SH3PXD2B: variants seen among roughly 807,000 people sequenced by gnomAD.
The protein encoded by SH3PXD2B is SH3 and PX domain-containing protein 2B.
A neutral mutation model predicts 73.1 loss-of-function variants in SH3PXD2B; 37 were observed. That is an observed-to-expected ratio of 0.51 (90% CI 0.39 to 0.67). The LOEUF is 0.67. Among genes scored for constraint, SH3PXD2B ranks in the 30% least tolerant of loss-of-function variants. The pLI, the probability that SH3PXD2B is intolerant of heterozygous loss-of-function variation, is 0.00. For synonymous variants in SH3PXD2B, 457 were observed against 480.5 expected, an observed-to-expected ratio of 0.95 and a Z score of 0.64; for missense variants, 1,053 against 1,197.8, an observed-to-expected ratio of 0.88 and a Z score of 1.78.
At chr5:172,365,445 AAAGAT>A (rs1205420129) in intron 6 of SH3PXD2B, among the ~76,000 whole-genome samples, 1 of 152,208 alleles carries the variant, frequency 6.6e-6, no homozygotes, top group African/African-American at 2.4e-5. Context: ...GACAGTGAGA[AAAGAT>A]AAGATGACGG....
chr5:172,391,885 T>G (rs1028890129), intron 4 of SH3PXD2B, among the ~76,000 whole-genome samples: 6 of 152,266 alleles, frequency 3.9e-5, no homozygotes, highest in African/African-American at 9.6e-5. Flanking sequence ...CTAAAAACTC[T>G]GCCCAACTCA....
At chr5:172,386,706 T>C (rs1263994022) in intron 4 of SH3PXD2B, among the ~76,000 whole-genome samples, 2 of 152,178 alleles carry the variant, frequency 1.3e-5, no homozygotes, top group Non-Finnish European at 2.9e-5. Flanking sequence ...CTCAGCTCAC[T>C]GCAGTCTCCA....
intron 8 of SH3PXD2B, among the ~76,000 whole-genome samples, chr5:172,357,298 C>A (rs1443509861): frequency 6.6e-6 from 1 of 151,430 alleles, no homozygotes; most frequent in African/African-American, 2.4e-5. Flanking sequence ...GTGGTGCATG[C>A]CTGTAATCTC....
At chr5:172,366,036 G>T (rs1387224615) in intron 6 of SH3PXD2B, among the ~76,000 whole-genome samples, 4 of 152,294 alleles carry the variant, frequency 2.6e-5, no homozygotes, top group East Asian at 1.9e-4. Flanking sequence ...AAGAGAAAAA[G>T]CACCCACTTC....
Position 172,400,274 on chromosome 5 carries a change from C to A in SH3PXD2B, c.233-5635G>T, listed in dbSNP as rs192440112. 2.3e-3 allele frequency among the ~76,000 whole-genome samples: 356 copies of A among 152,266 alleles called. 1 individual carries two copies. The highest frequency in any genetic ancestry group is 8.2e-3 in the African/African-American group (341 of 41,526). The stretch of plus-strand genomic sequence containing the variant: ...CTTTAATCTCAGAAGACTGTGTTAA[C>A]TCACATGCAGTAATATTAAAAAATG... On this transcript the variant is annotated intron_variant, in intron 3 of 12. Coordinates refer to ENST00000311601, the MANE Select transcript of SH3PXD2B (RefSeq NM_001017995.3).
In SH3PXD2B at chr5:172,380,341, G is replaced by A. The variant is rs144954470; in HGVS notation, c.401+1695C>T. Among the ~76,000 whole-genome samples, 307 of 152,258 alleles carry A rather than the reference G, an allele frequency of 2.0e-3. 2 individuals are homozygous for A. The highest frequency in any genetic ancestry group is 7.0e-3 in the African/African-American group (290 of 41,566). On this transcript the variant is annotated intron_variant, in intron 5 of 12. Transcript: ENST00000311601. Reference sequence around the variant, plus strand: ...CTCCTAAAGTGCTGGGATTACAGGCGTGAGGGAATGACAGTTTTTATTGGG... The same window carrying A: ...CTCCTAAAGTGCTGGGATTACAGGCATGAGGGAATGACAGTTTTTATTGGG...
At chr5:172,450,556 A>T (rs931355767) in intron 1 of SH3PXD2B, among the ~76,000 whole-genome samples, 1 of 152,086 alleles carries the variant, frequency 6.6e-6, no homozygotes, top group Admixed American at 6.5e-5. Context: ...GTTACCGAGG[A>T]CACTTTGACC....
intron 4 of SH3PXD2B, among the ~76,000 whole-genome samples, chr5:172,384,819 G>A (rs1010403886): frequency 1.3e-5 from 2 of 152,060 alleles, no homozygotes; most frequent in African/African-American, 2.4e-5. Context: ...TTAAGTCCCC[G>A]AGCTGCAATC....
intron 8 of SH3PXD2B, among the ~76,000 whole-genome samples, chr5:172,354,392 G>A (rs1197417382): frequency 6.6e-6 from 1 of 152,172 alleles, no homozygotes; most frequent in Non-Finnish European, 1.5e-5. Context: ...TATTTATTGT[G>A]TTTCGTTCAG....
chr5:172,448,161 C>T (rs985252521), intron 1 of SH3PXD2B, among the ~76,000 whole-genome samples: 5 of 152,184 alleles, frequency 3.3e-5, no homozygotes, highest in African/African-American at 7.2e-5. Flanking sequence ...GCCTTGCTCC[C>T]GGGGGCCTAT....
chr5:172,442,881 CA>C (rs1264750880), intron 1 of SH3PXD2B, among the ~76,000 whole-genome samples: 2 of 152,188 alleles, frequency 1.3e-5, no homozygotes, highest in Admixed American at 6.5e-5. Context: ...CTCAAGATCA[CA>C]CATGGCAGAG....
intron 2 of SH3PXD2B, among the ~76,000 whole-genome samples, chr5:172,408,555 T>TTTTTTTTTTG (rs1758616929): frequency 6.8e-6 from 1 of 148,042 alleles, no homozygotes; most frequent in Non-Finnish European, 1.5e-5. Context: ...TTTTTTTTTT[T>TTTTTTTTTTG]GAGATGGAGT....
chr5:172,377,996 C>T (rs565118196), intron 5 of SH3PXD2B, among the ~76,000 whole-genome samples: 8 of 152,284 alleles, frequency 5.3e-5, no homozygotes, highest in East Asian at 1.9e-4. Context: ...TCCTGTCCTG[C>T]GCTATTTCTA....
intron 7 of SH3PXD2B, among the ~76,000 whole-genome samples, chr5:172,360,858 A>G (rs1344940014): frequency 6.6e-6 from 1 of 152,292 alleles, no homozygotes; most frequent in South Asian, 2.1e-4. Context: ...GTAAAAAAAG[A>G]TATGTGTATC....
At chr5:172,375,665 G>T (rs529073813) in intron 5 of SH3PXD2B, among the ~76,000 whole-genome samples, 75 of 152,294 alleles carry the variant, frequency 4.9e-4, no homozygotes, top group African/African-American at 1.7e-3. Flanking sequence ...GTTCATCTGT[G>T]TTATGGTATG....
chr5:172,354,132 G>A, intron 8 of SH3PXD2B, 127 bp from the exon 9 acceptor site: 2 of 860,498 alleles, frequency 2.3e-6, no homozygotes, highest in Admixed American at 1.9e-5. Context: ...ACCCCCCCTG[G>A]CCCTGACCTA....
intron 7 of SH3PXD2B, among the ~76,000 whole-genome samples, chr5:172,360,919 C>T (rs1458069818): frequency 4.6e-5 from 7 of 152,182 alleles, no homozygotes; most frequent in African/African-American, 1.7e-4. Flanking sequence ...GAAACACTGA[C>T]GTGCACACAG....
chr5:172,348,358 CTT>C (rs1455424658), intron 10 of SH3PXD2B, among the ~76,000 whole-genome samples: 2 of 151,668 alleles, frequency 1.3e-5, no homozygotes, highest in Non-Finnish European at 2.9e-5. Flanking sequence ...GAGTTTCGCT[CTT>C]GTCACCCAGG....
intron 3 of SH3PXD2B, among the ~76,000 whole-genome samples, chr5:172,395,699 AC>A (rs561579124): frequency 1.3e-5 from 2 of 152,188 alleles, no homozygotes; most frequent in Admixed American, 6.5e-5. Flanking sequence ...CACATGACTC[AC>A]CATTCTGAAT....
Sources: gnomAD v4.1 joint callset for allele counts (sites outside exome capture counted in the v4.1 genomes callset) on GRCh38, gnomAD v4.1.1 for gene constraint, MANE v1.5 for transcripts, NCBI Gene and HGNC (gene_info 2026-07-23, HGNC 2026-07-21) for gene names.